The following CHL1 variants were observed in gnomAD, a reference collection of about 807,000 sequenced individuals.
The protein encoded by CHL1 is neural cell adhesion molecule L1-like protein.
Under a neutral mutation model 141.9 loss-of-function variants are expected in CHL1, and 96 were observed. The ratio of observed to expected loss-of-function variants is 0.68; its 90% CI spans 0.57 to 0.80. CHL1 has a LOEUF of 0.80. Ranked by LOEUF, CHL1 falls within the 30% of genes least tolerant of loss-of-function variation. The probability of loss-of-function intolerance (pLI) is 0.00; values close to 1 mark genes in which losing one functional copy is unlikely to be tolerated. For missense variants in CHL1, 1,820 were observed against 1,457.2 expected (o/e 1.25, Z -4.05); for synonymous variants, 613 against 502.2 (o/e 1.22, Z -2.95).
intron 1 of CHL1, among the ~76,000 whole-genome samples, chr3:214,679 A>G (rs776662201): frequency 2.0e-5 from 3 of 152,234 alleles, no homozygotes; most frequent in East Asian, 3.8e-4. Context: ...TACTTCTGAT[A>G]GCCCTTACAT....
At chr3:219,576 A>T (rs553322166) in intron 1 of CHL1, among the ~76,000 whole-genome samples, 1 of 152,200 alleles carries the variant, frequency 6.6e-6, no homozygotes, top group Non-Finnish European at 1.5e-5. Flanking sequence ...TCCTTAGCAA[A>T]CTAATGCAGG....
intron 1 of CHL1, among the ~76,000 whole-genome samples, chr3:243,934 A>G (rs1404192009): frequency 6.6e-6 from 1 of 152,194 alleles, no homozygotes; most frequent in Non-Finnish European, 1.5e-5. Flanking sequence ...AAGCATGTTC[A>G]TGGGATGGCA....
intron 27 of CHL1, among the ~76,000 whole-genome samples, chr3:403,337 A>G (rs1421983427): frequency 1.3e-5 from 2 of 152,170 alleles, no homozygotes; most frequent in Non-Finnish European, 1.5e-5. Context: ...GTTGTATTCT[A>G]TAGGAACAAA....
At chr3:244,750 G>A (rs1198683221) in intron 2 of CHL1, 58 bp downstream of exon 2, 1 of 152,036 alleles carries the variant, frequency 6.6e-6, no homozygotes, top group Non-Finnish European at 1.5e-5. Flanking sequence ...TTTAATTATT[G>A]CAGTACATAG....
In CHL1 at chr3:342,057, G is replaced by A; in HGVS notation, c.654G>A (p.Met218Ile). ...GATTAAGGACTATTGTACAGAAAAT[G>A]CCAATGAAACTAACAGTTAACAGTT... ...FPRLRTIVQK[M>I]PMKLTVNSLK... is the part of the protein sequence containing the mutation. The change falls in exon 7 of 28, where the codon ATG becomes ATA. Residue 218 changes from methionine (M) to isoleucine (I), a missense_variant. Transcript: ENST00000256509. 6.2e-7 allele frequency: 1 copy of A among 1,611,846 alleles called. No individual in the cohort carries two copies. Among genetic ancestry groups the A allele is most frequent in the East Asian group, 2.2e-5 (1 of 44,808 alleles).
intron 2 of CHL1, among the ~76,000 whole-genome samples, chr3:314,329 G>GTGTGTATATA (rs1455318071): frequency 9.2e-5 from 6 of 65,334 alleles, no homozygotes; most frequent in African/African-American, 3.1e-4. Context: ...CTCTCTATGT[G>GTGTGTATATA]TATATATATA....
chr3:389,324 G>A lies in CHL1; in HGVS notation c.2320G>A (p.Val774Met). The A allele has an allele frequency of 3.1e-6, 5 of 1,614,188 alleles. No individual in the cohort carries two copies. Among genetic ancestry groups the A allele is most frequent in the Non-Finnish European group, 4.2e-6 (5 of 1,180,034 alleles). The change falls in exon 20 of 28, where the codon GTG becomes ATG. Residue 774 changes from valine to methionine, a missense_variant. Val to Met is a conservative substitution (Grantham distance 21). Coordinates refer to ENST00000256509, the MANE Select transcript of CHL1 (RefSeq NM_006614.4). ...GACCTGGAAGCCACAGGGAGCCCCAGTGGAGTGGGAAGAAGAAACAGTCAC... is the reference window on the plus strand; with the variant it reads ...GACCTGGAAGCCACAGGGAGCCCCAATGGAGTGGGAAGAAGAAACAGTCAC... ...RVTWKPQGAP[V>M]EWEEETVTNH...
intron 2 of CHL1, among the ~76,000 whole-genome samples, chr3:277,111 G>C (rs949175131): frequency 6.6e-6 from 1 of 151,998 alleles, no homozygotes; most frequent in African/African-American, 2.4e-5. Context: ...AACAGTGCCT[G>C]ATACACAATA....
intron 1 of CHL1, among the ~76,000 whole-genome samples, chr3:209,720 A>G (rs1024464798): frequency 1.3e-5 from 2 of 152,044 alleles, no homozygotes; most frequent in African/African-American, 4.8e-5. Flanking sequence ...CTCCGCTGCC[A>G]CCCCACGACA....
intron 2 of CHL1, among the ~76,000 whole-genome samples, chr3:306,254 T>G (rs565798086): frequency 6.6e-6 from 1 of 152,162 alleles, no homozygotes; most frequent in Admixed American, 6.5e-5. Flanking sequence ...AAATTATGAG[T>G]TTCTTATAAA....
At chr3:339,668 C>G (rs932338091) in intron 5 of CHL1, among the ~76,000 whole-genome samples, 1 of 152,170 alleles carries the variant, frequency 6.6e-6, no homozygotes, top group Non-Finnish European at 1.5e-5. Context: ...CCAGCTGGTG[C>G]ATCGATAAGA....
chr3:240,721 G>C (rs530945957), intron 1 of CHL1, among the ~76,000 whole-genome samples: 2 of 152,258 alleles, frequency 1.3e-5, no homozygotes, highest in African/African-American at 4.8e-5. Flanking sequence ...AATTTTTATA[G>C]GTATCGGGTC....
At chr3:264,399 T>C (rs578035621) in intron 2 of CHL1, among the ~76,000 whole-genome samples, 1 of 152,264 alleles carries the variant, frequency 6.6e-6, no homozygotes, top group Non-Finnish European at 1.5e-5. Context: ...AATAAACATA[T>C]AACAGAATGG....
At chr3:300,374 C>T (rs985859249) in intron 2 of CHL1, among the ~76,000 whole-genome samples, 1 of 152,006 alleles carries the variant, frequency 6.6e-6, no homozygotes, top group Admixed American at 6.6e-5. Context: ...GGCTCTGATG[C>T]AAACAGAGGT....
chr3:320,821 C>T (rs986379101), intron 3 of CHL1, among the ~76,000 whole-genome samples: 5 of 151,956 alleles, frequency 3.3e-5, no homozygotes, highest in African/African-American at 9.7e-5. Flanking sequence ...AAAAGACCCA[C>T]GAGAGGTTAT....
At chr3:331,367 G>A (rs1356983207) in intron 5 of CHL1, among the ~76,000 whole-genome samples, 1 of 152,012 alleles carries the variant, frequency 6.6e-6, no homozygotes, top group African/African-American at 2.4e-5. Context: ...TGAGTAACTA[G>A]GACTACAGGC....
chr3:258,000 G>A (rs916742425), intron 2 of CHL1, among the ~76,000 whole-genome samples: 3 of 152,166 alleles, frequency 2.0e-5, no homozygotes, highest in Admixed American at 1.3e-4. Flanking sequence ...CAGCATGTTC[G>A]GTGGATTGGA....
chr3:216,545 T>TA (rs1376145894), intron 1 of CHL1, among the ~76,000 whole-genome samples: 2 of 152,286 alleles, frequency 1.3e-5, no homozygotes, highest in African/African-American at 2.4e-5. Flanking sequence ...CCCTGTCTAT[T>TA]AAAAAAAGTC....
At position 251,171 on chromosome 3, in the gene CHL1, C is replaced by G. The variant is rs189588892; in HGVS notation, c.-95+6479C>G. 3.9e-4 allele frequency among the ~76,000 whole-genome samples: 60 copies of G among 152,116 alleles called. 1 individual carries two copies. The highest frequency in any genetic ancestry group is 1.4e-3 in the African/African-American group (58 of 41,496). On this transcript the variant is annotated intron_variant, in intron 2 of 27. Transcript: ENST00000256509. Reference sequence around the variant, plus strand: ...AAGTAAACTAAACCAGAAAGTAAGACTAGAAGGATCCATTTGATTGGGAAC... The same window carrying G: ...AAGTAAACTAAACCAGAAAGTAAGAGTAGAAGGATCCATTTGATTGGGAAC...
Sources: gnomAD v4.1 joint callset for allele counts (sites outside exome capture counted in the v4.1 genomes callset) on GRCh38, gnomAD v4.1.1 for gene constraint, MANE v1.5 for transcripts, NCBI Gene and HGNC (gene_info 2026-07-23, HGNC 2026-07-21) for gene names.